Variants in NUP93 observed in about 807,000 individuals in gnomAD.
NUP93 encodes the protein nuclear pore complex protein Nup93.
Under a neutral mutation model 107.8 loss-of-function variants are expected in NUP93, and 55 were observed. The ratio of observed to expected loss-of-function variants is 0.51; its 90% CI spans 0.41 to 0.64. The LOEUF (loss-of-function observed/expected upper bound fraction) is 0.64. NUP93 is among the 30% of genes least tolerant of loss of function. The probability of loss-of-function intolerance (pLI) is 0.00; values close to 1 mark genes in which losing one functional copy is unlikely to be tolerated. For missense variants in NUP93, 937 were observed against 1,044.7 expected (o/e 0.90, Z 1.42); for synonymous variants, 390 against 397.5 (o/e 0.98, Z 0.22).
chr16:56,754,067 C>G (rs374153444), intron 2 of NUP93, among the ~76,000 whole-genome samples: 4 of 151,560 alleles, frequency 2.6e-5, no homozygotes, highest in African/African-American at 9.7e-5. Flanking sequence ...AGGAAACTTA[C>G]AATCATGGCA....
At chr16:56,794,770 T>G (rs1482577710) in intron 3 of NUP93, among the ~76,000 whole-genome samples, 2 of 150,928 alleles carry the variant, frequency 1.3e-5, no homozygotes, top group Admixed American at 6.6e-5. Flanking sequence ...CTACTAAAAA[T>G]ACAAAAAATT....
At chr16:56,784,447 C>T (rs778760829) in intron 3 of NUP93, among the ~76,000 whole-genome samples, 6 of 152,134 alleles carry the variant, frequency 3.9e-5, no homozygotes, top group Non-Finnish European at 5.9e-5. Context: ...TTAGTGCCTT[C>T]TACTTAATTA....
intron 1 of NUP93, among the ~76,000 whole-genome samples, chr16:56,737,937 AAGAGCC>A (rs139228815): frequency 3.0e-4 from 46 of 152,360 alleles, no homozygotes; most frequent in African/African-American, 8.4e-4. Context: ...GTTTAGAGAG[AAGAGCC>A]AGAGCCAGAG....
rs759504649 is a variant in NUP93 at position 56,844,531 on chromosome 16, C to A, written c.2382C>A (p.Thr794=). The change falls in exon 22 of 22, where the codon ACC becomes ACA. Residue 794 remains threonine (T), a synonymous_variant. Transcript: ENST00000308159. ...QLRSQARTLI[T]FAGMIPYRTS... is the part of the protein sequence containing the mutation. Reference sequence around the variant, plus strand: ...GAAGTCAAGCCCGCACTCTGATTACCTTTGCTGGAATGATACCATACCGAA... The same window carrying A: ...GAAGTCAAGCCCGCACTCTGATTACATTTGCTGGAATGATACCATACCGAA... 1 of 1,539,158 alleles carries A rather than the reference C, an allele frequency of 6.5e-7. No individual in the cohort carries two copies. The highest frequency in any genetic ancestry group is 8.8e-7 in the Non-Finnish European group (1 of 1,142,582).
chr16:56,834,285 C>T (rs1197413751), intron 14 of NUP93, 31 bp downstream of exon 14: 9 of 1,613,274 alleles, frequency 5.6e-6, no homozygotes, highest in African/African-American at 4.0e-5. Context: ...TTTACTTCAG[C>T]TAGTTTCAAT....
At chr16:56,730,685 C>T (rs1290756836) in intron 1 of NUP93, among the ~76,000 whole-genome samples, 1 of 152,194 alleles carries the variant, frequency 6.6e-6, no homozygotes, top group East Asian at 1.9e-4. Flanking sequence ...GAACTTATCC[C>T]AACCCTTGGC....
At chr16:56,841,676 T>C (rs1242711936) in intron 20 of NUP93, 29 bp from the exon 21 acceptor site, 5 of 1,610,966 alleles carry the variant, frequency 3.1e-6, no homozygotes, top group Non-Finnish European at 4.2e-6. Flanking sequence ...TTGGTTCTTT[T>C]TCTTTACTCT....
intron 5 of NUP93, among the ~76,000 whole-genome samples, chr16:56,808,128 A>G (rs1388738216): frequency 8.3e-6 from 1 of 119,854 alleles, no homozygotes; most frequent in Non-Finnish European, 1.8e-5. Context: ...ATATAACTAT[A>G]TAAATATATT....
chr16:56,800,420 G>A (rs1347535985), intron 4 of NUP93, among the ~76,000 whole-genome samples: 1 of 152,180 alleles, frequency 6.6e-6, no homozygotes, highest in African/African-American at 2.4e-5. Context: ...TTACCCCGCA[G>A]AATGTGTTTC....
intron 1 of NUP93, among the ~76,000 whole-genome samples, chr16:56,745,748 G>A (rs1407641109): frequency 6.6e-6 from 1 of 152,156 alleles, no homozygotes; most frequent in African/African-American, 2.4e-5. Flanking sequence ...AAAAGTTAGA[G>A]CCCAGTTTTG....
chr16:56,738,214 C>G (rs1023331658), intron 1 of NUP93, among the ~76,000 whole-genome samples: 10 of 152,248 alleles, frequency 6.6e-5, no homozygotes, highest in Admixed American at 1.3e-4. Context: ...GCCCCAGGGT[C>G]AGAGGGCTGG....
chr16:56,828,848 T>A, intron 8 of NUP93, 129 bp from the exon 9 acceptor site: 1 of 856,342 alleles, frequency 1.2e-6, no homozygotes, highest in Non-Finnish European at 1.8e-6. Context: ...TACTATTTCC[T>A]CTTCTGCATT....
chr16:56,777,041 CGT>C (rs138542803), intron 3 of NUP93, among the ~76,000 whole-genome samples: 10 of 151,632 alleles, frequency 6.6e-5, no homozygotes, highest in Non-Finnish European at 1.2e-4. Context: ...TGTGCACGCA[CGT>C]GTGTGTGTGT....
intron 5 of NUP93, among the ~76,000 whole-genome samples, chr16:56,808,049 C>A (rs1277250563): frequency 1.4e-5 from 2 of 138,902 alleles, no homozygotes; most frequent in Non-Finnish European, 3.1e-5. Context: ...ATATATATTT[C>A]TAAAAATATA....
At chr16:56,843,719 T>C (rs1214840142) in intron 21 of NUP93, among the ~76,000 whole-genome samples, 1 of 152,234 alleles carries the variant, frequency 6.6e-6, no homozygotes, top group African/African-American at 2.4e-5. Flanking sequence ...ACTCGCTAGT[T>C]TGTTTTACAC....
chr16:56,799,270 TAAAAA>T (rs1441865250), intron 4 of NUP93, among the ~76,000 whole-genome samples: 1 of 151,902 alleles, frequency 6.6e-6, no homozygotes, highest in Non-Finnish European at 1.5e-5. Flanking sequence ...TCAAAAAAAA[TAAAAA>T]AAGCACACAC....
At chr16:56,816,448 A>T (rs561673317) in intron 5 of NUP93, among the ~76,000 whole-genome samples, 8 of 152,256 alleles carry the variant, frequency 5.3e-5, no homozygotes, top group African/African-American at 1.4e-4. Flanking sequence ...GCCGTCAGGG[A>T]CCCAACACCT....
chr16:56,779,633 T>C (rs965516729), intron 3 of NUP93, among the ~76,000 whole-genome samples: 18 of 152,180 alleles, frequency 1.2e-4, no homozygotes, highest in African/African-American at 4.3e-4. Context: ...AGAGGTCCTT[T>C]CCAGCCAGCA....
chr16:56,754,673 G>A (rs375368871), intron 2 of NUP93, among the ~76,000 whole-genome samples: 8 of 152,334 alleles, frequency 5.3e-5, no homozygotes, highest in African/African-American at 1.2e-4. Context: ...TAGGCACATG[G>A]TGCAAACCAT....
Sources: gnomAD v4.1 joint callset for allele counts (sites outside exome capture counted in the v4.1 genomes callset) on GRCh38, gnomAD v4.1.1 for gene constraint, MANE v1.5 for transcripts, NCBI Gene and HGNC (gene_info 2026-07-23, HGNC 2026-07-21) for gene names.